LRMDA: variants seen among roughly 807,000 people sequenced by gnomAD.
LRMDA encodes the protein leucine rich melanocyte differentiation associated.
A neutral mutation model predicts 29.8 loss-of-function variants in LRMDA; 18 were observed. That is an observed-to-expected ratio of 0.60 (90% CI 0.42 to 0.90). LRMDA has a LOEUF of 0.90. Ranked by LOEUF, LRMDA falls within the 40% of genes least tolerant of loss-of-function variation. The probability of loss-of-function intolerance (pLI) is 0.00; values close to 1 mark genes in which losing one functional copy is unlikely to be tolerated. For synonymous variants in LRMDA, 125 were observed against 109.4 expected (o/e 1.14, Z -0.89); for missense variants, 273 against 273.9 (o/e 1.00, Z 0.02).
At chr10:75,638,842 G>C (rs1285649939) in intron 2 of LRMDA, among the ~76,000 whole-genome samples, 2 of 152,124 alleles carry the variant, frequency 1.3e-5, no homozygotes. Flanking sequence ...CCTAAATTGG[G>C]TATTATAAAT....
At chr10:75,596,999 C>T (rs1305832231) in intron 2 of LRMDA, among the ~76,000 whole-genome samples, 4 of 146,386 alleles carry the variant, frequency 2.7e-5, no homozygotes, top group African/African-American at 7.6e-5. Context: ...TTTAAGGGCT[C>T]ATGTACTTAG....
intron 2 of LRMDA, among the ~76,000 whole-genome samples, chr10:75,952,682 C>T (rs1185347346): frequency 3.3e-5 from 5 of 152,236 alleles, no homozygotes; most frequent in East Asian, 3.9e-4. Context: ...TTAGGACAAA[C>T]GGGTTGGGAA....
At chr10:75,821,803 A>C (rs942621825) in intron 2 of LRMDA, among the ~76,000 whole-genome samples, 20 of 151,128 alleles carry the variant, frequency 1.3e-4, no homozygotes, top group African/African-American at 3.2e-4. Context: ...AACAAAAAAA[A>C]CCCTTACCAA....
At chr10:76,390,105 C>T (rs1323926298) in intron 6 of LRMDA, among the ~76,000 whole-genome samples, 5 of 152,128 alleles carry the variant, frequency 3.3e-5, no homozygotes, top group African/African-American at 1.2e-4. Context: ...ACAATCCTAC[C>T]AACAATGCAC....
At chr10:76,507,752 A>G (rs142634967) in intron 6 of LRMDA, among the ~76,000 whole-genome samples, 10 of 152,072 alleles carry the variant, frequency 6.6e-5, no homozygotes, top group Admixed American at 2.6e-4. Flanking sequence ...TGAAGAGACT[A>G]TCCTTTCCCC....
At chr10:75,914,023 CCTT>C (rs1398472412) in intron 2 of LRMDA, among the ~76,000 whole-genome samples, 2 of 152,200 alleles carry the variant, frequency 1.3e-5, no homozygotes, top group African/African-American at 4.8e-5. Flanking sequence ...ACCCTCCTGT[CCTT>C]CTGTGTTTCC....
At chr10:75,550,016 T>C (rs149509444) in intron 2 of LRMDA, among the ~76,000 whole-genome samples, 378 of 152,338 alleles carry the variant, frequency 2.5e-3, no homozygotes, top group African/African-American at 8.7e-3. Flanking sequence ...ATTGTGTGAA[T>C]GTACCACAAT....
chr10:76,487,343 G>A (rs1842792298), intron 6 of LRMDA, among the ~76,000 whole-genome samples: 1 of 151,820 alleles, frequency 6.6e-6, no homozygotes, highest in Non-Finnish European at 1.5e-5. Flanking sequence ...GCTTGAAGTT[G>A]GGCCTAGGCA....
intron 5 of LRMDA, among the ~76,000 whole-genome samples, chr10:76,144,143 T>A (rs1025479742): frequency 2.0e-5 from 3 of 152,206 alleles, no homozygotes; most frequent in Non-Finnish European, 2.9e-5. Context: ...CCAGCTTTGT[T>A]CTTTTGGCTT....
chr10:76,221,515 A>T (rs1851836337), intron 5 of LRMDA, among the ~76,000 whole-genome samples: 1 of 152,244 alleles, frequency 6.6e-6, no homozygotes, highest in South Asian at 2.1e-4. Context: ...ACTCCCATTC[A>T]CAATTGTTTC....
intron 2 of LRMDA, among the ~76,000 whole-genome samples, chr10:75,619,367 G>C (rs181237403): frequency 2.6e-5 from 4 of 152,100 alleles, no homozygotes; most frequent in Admixed American, 2.0e-4. Flanking sequence ...TACTCTCAAG[G>C]GGAAGCTACC....
At chr10:76,354,651 T>G (rs1589148618) in intron 6 of LRMDA, among the ~76,000 whole-genome samples, 3 of 152,264 alleles carry the variant, frequency 2.0e-5, no homozygotes, top group South Asian at 4.2e-4. Flanking sequence ...AAAATAGCAA[T>G]TCAATCTTAT....
chr10:76,435,072 A>C (rs555108323), intron 6 of LRMDA, among the ~76,000 whole-genome samples: 23 of 152,292 alleles, frequency 1.5e-4, no homozygotes, highest in Admixed American at 7.8e-4. Flanking sequence ...ATTCTCTGGT[A>C]ATCTACTTAG....
intron 2 of LRMDA, among the ~76,000 whole-genome samples, chr10:75,972,548 C>CT (rs967393989): frequency 1.2e-4 from 18 of 151,452 alleles, no homozygotes; most frequent in South Asian, 2.1e-4. Flanking sequence ...AGAATTTTCT[C>CT]TTTTTTTTTA....
In LRMDA at chr10:75,845,116, G is replaced by GT. The variant is rs574393690; in HGVS notation, c.132-190883dup. Among the ~76,000 whole-genome samples, 1,351 of 147,138 alleles carry GT rather than the reference G, an allele frequency of 9.2e-3. 27 individuals carry two copies. The highest frequency in any genetic ancestry group is 0.014 in the African/African-American group (570 of 40,054). ...AAATGTGTAAATATGATTTTTTTTTGTTTTTTTTTACAAAAGTTTCTTGGG... is the reference window on the plus strand; with the variant it reads ...AAATGTGTAAATATGATTTTTTTTTGTTTTTTTTTTACAAAAGTTTCTTGGG... On this transcript the variant is annotated intron_variant, in intron 2 of 6. Coordinates refer to ENST00000611255, the MANE Select transcript of LRMDA (RefSeq NM_001305581.2).
At chr10:75,939,236 A>G (rs1846348077) in intron 2 of LRMDA, among the ~76,000 whole-genome samples, 1 of 152,196 alleles carries the variant, frequency 6.6e-6, no homozygotes. Flanking sequence ...CCTTCAACAC[A>G]GAGGGGCTGG....
chr10:76,388,350 A>G (rs757991965), intron 6 of LRMDA, among the ~76,000 whole-genome samples: 9 of 152,194 alleles, frequency 5.9e-5, no homozygotes, highest in Non-Finnish European at 1.3e-4. Context: ...CTTTTTCTCT[A>G]CATCACAATG....
At chr10:76,085,128 T>G (rs1214432111) in intron 5 of LRMDA, among the ~76,000 whole-genome samples, 3 of 152,176 alleles carry the variant, frequency 2.0e-5, no homozygotes, top group Non-Finnish European at 4.4e-5. Flanking sequence ...GCTCATTATA[T>G]CTGTATTTTC....
chr10:75,519,806 A>C (rs1845335012), intron 2 of LRMDA, among the ~76,000 whole-genome samples: 1 of 152,194 alleles, frequency 6.6e-6, no homozygotes. Context: ...ATGTTTTTGC[A>C]GTGGCTGGTA....
Sources: gnomAD v4.1 joint callset for allele counts (sites outside exome capture counted in the v4.1 genomes callset) on GRCh38, gnomAD v4.1.1 for gene constraint, MANE v1.5 for transcripts, NCBI Gene and HGNC (gene_info 2026-07-23, HGNC 2026-07-21) for gene names.